Variants in PCED1B observed in about 807,000 individuals in gnomAD.
PCED1B encodes PC-esterase domain-containing protein 1B.
For synonymous variants in PCED1B, 251 were observed against 246.1 expected (o/e 1.02, Z -0.19); for missense variants, 573 against 573.9 (o/e 1.00, Z 0.02).
chr12:47,145,260 A>C (rs1458192773), intron 2 of PCED1B, among the ~76,000 whole-genome samples: 1 of 152,210 alleles, frequency 6.6e-6, no homozygotes, highest in Non-Finnish European at 1.5e-5. Flanking sequence ...AGGAAGCTGC[A>C]GAAGAAAAGG....
In PCED1B at chr12:47,235,042, T is replaced by G; in HGVS notation, c.-22T>G. ...AGCCATCCTGTGCAAAGGAAGGAGC[T>G]AGGCTGTGCGCCCTGGGCGTCATGA... On this transcript the variant is annotated 5_prime_UTR_variant, in exon 4 of 4. The change abolishes the stop of an existing upstream ORF in the 5' untranslated region. Coordinates refer to ENST00000546455, the MANE Select transcript of PCED1B (RefSeq NM_138371.3). The G allele has an allele frequency of 6.6e-7, 1 of 1,519,746 alleles. No homozygotes were observed. Among genetic ancestry groups the G allele is most frequent in the South Asian group, 1.3e-5 (1 of 75,092 alleles). 94.1% of individuals were successfully genotyped at this position (1,519,746 alleles called of 1,614,324 possible).
At chr12:47,085,656 T>C (rs979719300) in intron 1 of PCED1B, among the ~76,000 whole-genome samples, 4 of 152,126 alleles carry the variant, frequency 2.6e-5, no homozygotes, top group Non-Finnish European at 5.9e-5. Flanking sequence ...AAAAAATATA[T>C]ATGTATGTTA....
At chr12:47,163,736 G>A (rs1312331480) in intron 2 of PCED1B, among the ~76,000 whole-genome samples, 5 of 152,108 alleles carry the variant, frequency 3.3e-5, no homozygotes, top group African/African-American at 1.2e-4. Flanking sequence ...ACCTATGGCT[G>A]GATAGTTTAT....
rs113312074 is a variant in PCED1B, at chr12:47,199,661, C to T, written c.-525-16561C>T. Among the ~76,000 whole-genome samples, 12 of 152,226 alleles carry T rather than the reference C, an allele frequency of 7.9e-5. 1 individual carries two copies. The highest frequency in any genetic ancestry group is 4.6e-4 in the Admixed American group (7 of 15,282). On this transcript the variant is annotated intron_variant, in intron 2 of 3. Coordinates refer to ENST00000546455, the MANE Select transcript of PCED1B (RefSeq NM_138371.3). ...AATGGTTCTAGAACAACAGGACATC[C>T]ACATGCAAAATAAGAAAAAAGTTAA...
rs141067852 is a variant in PCED1B at position 47,189,703 on chromosome 12, A to G, written c.-525-26519A>G. 4.3e-3 allele frequency among the ~76,000 whole-genome samples: 660 copies of G among 152,316 alleles called. 1 individual carries two copies. The highest frequency in any genetic ancestry group is 0.015 in the African/African-American group (613 of 41,574). On this transcript the variant is annotated intron_variant, in intron 2 of 3. Coordinates refer to ENST00000546455, the MANE Select transcript of PCED1B (RefSeq NM_138371.3). ...TATTAGCACACTTTAGTGTTATATT[A>G]CCATCTCACACTTGTCTTCATTTCA...
chr12:47,206,137 A>G (rs1196135195), intron 2 of PCED1B: 1 of 152,220 alleles, frequency 6.6e-6, no homozygotes, highest in Non-Finnish European at 1.5e-5. Context: ...GATCCATCAC[A>G]TGCAGGGTCT....
At chr12:47,151,428 A>T in intron 2 of PCED1B, among the ~76,000 whole-genome samples, 1 of 152,206 alleles carries the variant, frequency 6.6e-6, no homozygotes, top group Non-Finnish European at 1.5e-5. Flanking sequence ...TAGATTGTGT[A>T]TGTGCAGTCT....
chr12:47,206,988 A>G (rs1469820810), intron 2 of PCED1B, among the ~76,000 whole-genome samples: 1 of 152,208 alleles, frequency 6.6e-6, no homozygotes, highest in Admixed American at 6.5e-5. Flanking sequence ...TACTCATCCA[A>G]CTGAAGCTGA....
chr12:47,102,876 T>C (rs1938773622), intron 1 of PCED1B, among the ~76,000 whole-genome samples: 1 of 152,238 alleles, frequency 6.6e-6, no homozygotes, highest in South Asian at 2.1e-4. Context: ...TCACTTTTCC[T>C]TTAGCCATTT....
intron 2 of PCED1B, among the ~76,000 whole-genome samples, chr12:47,147,705 T>C (rs1161069829): frequency 6.6e-6 from 1 of 152,200 alleles, no homozygotes; most frequent in Non-Finnish European, 1.5e-5. Flanking sequence ...TACCCATCCA[T>C]ATTTCTATTG....
intron 2 of PCED1B, among the ~76,000 whole-genome samples, chr12:47,132,292 C>G (rs1940165356): frequency 6.6e-6 from 1 of 151,966 alleles, no homozygotes; most frequent in East Asian, 1.9e-4. Flanking sequence ...AGTAATAGCA[C>G]CACAAAACCA....
intron 2 of PCED1B, among the ~76,000 whole-genome samples, chr12:47,126,953 GTT>G (rs1347126905): frequency 6.6e-6 from 1 of 151,960 alleles, no homozygotes; most frequent in East Asian, 1.9e-4. Context: ...CAAAGAATCT[GTT>G]TTTTGTTTCA....
At chr12:47,230,184 A>AGGGGAT in intron 3 of PCED1B, among the ~76,000 whole-genome samples, 2 of 133,860 alleles carry the variant, frequency 1.5e-5, no homozygotes, top group East Asian at 2.2e-4. Context: ...TCCCAGGTTC[A>AGGGGAT]CACCTTTCTC....
intron 2 of PCED1B, among the ~76,000 whole-genome samples, chr12:47,131,673 C>CTTTTTTTTTTTTTTTTTTTTTTTTTTTT (rs760678015): frequency 1.2e-4 from 15 of 128,002 alleles, no homozygotes; most frequent in African/African-American, 4.3e-4. Flanking sequence ...TGTTTTACTT[C>CTTTTTTTTTTTTTTTTTTTTTTTTTTTT]TTTTTTTTTT....
At chr12:47,172,054 C>A (rs986163302) in intron 2 of PCED1B, among the ~76,000 whole-genome samples, 2 of 152,048 alleles carry the variant, frequency 1.3e-5, no homozygotes, top group Non-Finnish European at 2.9e-5. Flanking sequence ...GTGTGTGGAC[C>A]TTGGTAATAC....
intron 2 of PCED1B, among the ~76,000 whole-genome samples, chr12:47,127,370 T>C (rs1332758383): frequency 4.6e-5 from 2 of 43,576 alleles, no homozygotes; most frequent in Non-Finnish European, 3.8e-5. Context: ...TTTTTATTTC[T>C]TTTTTTTTTT....
At chr12:47,081,889 T>C (rs1324385434) in intron 1 of PCED1B, among the ~76,000 whole-genome samples, 4 of 152,196 alleles carry the variant, frequency 2.6e-5, no homozygotes, top group Admixed American at 2.6e-4. Context: ...TATATTATTA[T>C]AACTACAGGC....
chr12:47,146,677 T>A (rs1592200471), intron 2 of PCED1B, among the ~76,000 whole-genome samples: 1 of 152,328 alleles, frequency 6.6e-6, no homozygotes, highest in Non-Finnish European at 1.5e-5. Flanking sequence ...TTAAGGTATG[T>A]ACTTTTTTTT....
chr12:47,087,819 A>G (rs1190028887), intron 1 of PCED1B, among the ~76,000 whole-genome samples: 2 of 152,354 alleles, frequency 1.3e-5, no homozygotes, highest in African/African-American at 4.8e-5. Context: ...TAGAATTAAG[A>G]GTACTAACAT....
Sources: gnomAD v4.1 joint callset for allele counts (sites outside exome capture counted in the v4.1 genomes callset) on GRCh38, gnomAD v4.1.1 for gene constraint, MANE v1.5 for transcripts, NCBI Gene and HGNC (gene_info 2026-07-23, HGNC 2026-07-21) for gene names.